ARPC2: variants seen among roughly 807,000 people sequenced by gnomAD.
The protein encoded by ARPC2 is actin-related protein 2/3 complex subunit 2.
ARPC2 carries 4 observed loss-of-function variants against 38.6 expected under a neutral mutation model. The ratio of observed to expected loss-of-function variants is 0.10; its 90% CI spans 0.05 to 0.24. The LOEUF (loss-of-function observed/expected upper bound fraction) is 0.24, where lower values mean the gene tolerates loss of function less well. Ranked by LOEUF, ARPC2 falls within the 10% of genes least tolerant of loss-of-function variation. ARPC2 has a pLI of 1.00. For missense variants in ARPC2, 229 were observed against 387.3 expected (o/e 0.59, Z 3.43); for synonymous variants, 125 against 140.8 (o/e 0.89, Z 0.79).
intron 3 of ARPC2, chr2:218,226,898 A>G (rs1689510414): frequency 2.5e-6 from 1 of 399,374 alleles, no homozygotes; most frequent in Non-Finnish European, 5.3e-6. Context: ...TAGTAGGGAA[A>G]CATGAACAGC....
intron 5 of ARPC2, 80 bp downstream of exon 5, chr2:218,234,477 G>A (rs1303470698): frequency 4.4e-6 from 5 of 1,139,686 alleles, no homozygotes; most frequent in Non-Finnish European, 6.4e-6. Context: ...TTACCCAAAG[G>A]ATTTCGTTTA....
intron 8 of ARPC2, 103 bp downstream of exon 8, chr2:218,245,649 A>G: frequency 6.8e-7 from 1 of 1,464,244 alleles, no homozygotes; most frequent in Non-Finnish European, 9.3e-7. Flanking sequence ...AGGTAGGCAA[A>G]CGCAGGCATA....
chr2:218,229,764 G>A (rs1689587157), intron 4 of ARPC2, among the ~76,000 whole-genome samples: 1 of 152,128 alleles, frequency 6.6e-6, no homozygotes, highest in Non-Finnish European at 1.5e-5. Context: ...TTATTCAAAT[G>A]CAATTGATTT....
intron 2 of ARPC2, among the ~76,000 whole-genome samples, chr2:218,222,705 C>T (rs971141339): frequency 2.0e-5 from 3 of 152,164 alleles, no homozygotes; most frequent in Admixed American, 2.0e-4. Context: ...AGGAGAAGAA[C>T]TAATTTATTG....
chr2:218,227,434 GT>G (rs920394910), intron 3 of ARPC2, among the ~76,000 whole-genome samples: 1 of 151,956 alleles, frequency 6.6e-6, no homozygotes, highest in African/African-American at 2.4e-5. Flanking sequence ...TATTTGTTTT[GT>G]TTTTTTGAGA....
rs1559485717 is a variant in ARPC2, at chr2:218,253,874, T to C, written c.879-17T>C. On this transcript the variant is annotated splice_polypyrimidine_tract_variant and intron_variant, in intron 10 of 10. Coordinates refer to ENST00000315717, the MANE Select transcript of ARPC2 (RefSeq NM_152862.3). ...GCAGCCAGAAACTGACCTTCGCACT[T>C]ATCTCTCCTTTTGAAGGGGGAAGAC... 1 of 1,613,758 alleles carries C rather than the reference T, an allele frequency of 6.2e-7. No individual in the cohort carries two copies. The highest frequency in any genetic ancestry group is 1.7e-5 in the Admixed American group (1 of 59,888).
chr2:218,249,225 C>T (rs936701319), intron 8 of ARPC2, 139 bp from the exon 9 acceptor site: 1 of 614,278 alleles, frequency 1.6e-6, no homozygotes, highest in Middle Eastern at 3.9e-4. Flanking sequence ...AGAAAAAACC[C>T]TGACAAAGCC....
At chr2:218,231,850 T>C (rs957844551) in intron 4 of ARPC2, among the ~76,000 whole-genome samples, 5 of 152,324 alleles carry the variant, frequency 3.3e-5, no homozygotes, top group South Asian at 4.1e-4. Context: ...ATTCCTGTAA[T>C]CCCAGCACTT....
intron 2 of ARPC2, among the ~76,000 whole-genome samples, chr2:218,222,026 G>A (rs1013888976): frequency 1.3e-5 from 2 of 152,166 alleles, no homozygotes; most frequent in African/African-American, 4.8e-5. Context: ...CCAGCACTTT[G>A]GGAGGCCAAG....
In ARPC2 at chr2:218,217,394, C is replaced by T. The variant is rs554844036; in HGVS notation, c.-8-69C>T. On this transcript the variant is annotated intron_variant, in intron 1 of 10. Coordinates refer to ENST00000315717, the MANE Select transcript of ARPC2 (RefSeq NM_152862.3). Reference sequence around the variant, plus strand: ...CAGCCCCACTCAGGGGGCAGCAGGGCCGCTCCCTCCGTCCTTGCCTCCCTT... The same window carrying T: ...CAGCCCCACTCAGGGGGCAGCAGGGTCGCTCCCTCCGTCCTTGCCTCCCTT... 62 of 1,469,204 alleles carry T rather than the reference C, an allele frequency of 4.2e-5. No individual in the cohort carries two copies. In the East Asian group the frequency reaches 1.3e-3, roughly 30 times the overall value. The allele number at this position is 1,469,204 out of a possible 1,614,324, so 91.0% of individuals were successfully genotyped here.
chr2:218,239,344 C>G, intron 6 of ARPC2, 47 bp from the exon 7 acceptor site: 2 of 1,371,878 alleles, frequency 1.5e-6, no homozygotes, highest in Non-Finnish European at 2.1e-6. Context: ...ATTGACAAAA[C>G]CCCATTCTGA....
In ARPC2 at chr2:218,249,396, C is replaced by G; in HGVS notation, c.709C>G (p.Arg237Gly). 1 of 1,613,406 alleles carries G rather than the reference C, an allele frequency of 6.2e-7. No homozygotes were observed. Among genetic ancestry groups the G allele is most frequent in the Non-Finnish European group, 8.5e-7 (1 of 1,179,760 alleles). The stretch of plus-strand genomic sequence containing the variant: ...CCCTCGTCACACCAATGCCAGTGCT[C>G]GAGACAACACCATCAACCTGATCCA... ...LFPRHTNASA[R>G]DNTINLIHTF... Residue 237 changes from arginine to glycine, a missense_variant, in exon 9 of 11, where the codon CGA becomes GGA. Arg to Gly is a moderately radical substitution (Grantham distance 125). Around this residue, in one of 3 missense-constraint regions of ARPC2, gnomAD observed 92 missense variants for 152.3 expected, o/e 0.60. Transcript: ENST00000315717.
chr2:218,249,335 G>A, intron 8 of ARPC2, 29 bp from the exon 9 acceptor site: 1 of 1,541,430 alleles, frequency 6.5e-7, no homozygotes, highest in South Asian at 1.1e-5. Context: ...GTCGTGTCCT[G>A]ACGCCTTGTT....
At chr2:218,252,804 T>C in intron 10 of ARPC2, 1 of 427,566 alleles carries the variant, frequency 2.3e-6, no homozygotes, top group Admixed American at 2.5e-5. Context: ...GCCCAGTGAG[T>C]GCAGTTGTGT....
At chr2:218,248,378 G>A (rs112186994) in intron 8 of ARPC2, among the ~76,000 whole-genome samples, 64 of 152,332 alleles carry the variant, frequency 4.2e-4, no homozygotes, top group African/African-American at 1.3e-3. Flanking sequence ...GAGTAGAGGA[G>A]GTGCAGCAGG....
At chr2:218,230,912 A>G (rs1689619385) in intron 4 of ARPC2, among the ~76,000 whole-genome samples, 1 of 152,162 alleles carries the variant, frequency 6.6e-6, no homozygotes, top group Non-Finnish European at 1.5e-5. Flanking sequence ...GTTAAGCTAG[A>G]TTTCTTAAAT....
chr2:218,232,546 A>AT (rs71064418), intron 4 of ARPC2, among the ~76,000 whole-genome samples: 1,889 of 83,072 alleles, frequency 0.023, 38 homozygotes, highest in African/African-American at 0.046. Flanking sequence ...GCCAGACTCA[A>AT]TTTTTTTTTT....
At chr2:218,249,256 G>C in intron 8 of ARPC2, 108 bp from the exon 9 acceptor site, 1 of 717,532 alleles carries the variant, frequency 1.4e-6, no homozygotes, top group South Asian at 1.7e-5. Context: ...GACACAAGTG[G>C]AGTGTACTTA....
chr2:218,232,913 A>G (rs1306194198), intron 4 of ARPC2: 2 of 152,056 alleles, frequency 1.3e-5, no homozygotes, highest in Middle Eastern at 3.2e-3. Context: ...TGTGAATAAC[A>G]AACCAACTTC....
Sources: gnomAD v4.1 joint callset for allele counts (sites outside exome capture counted in the v4.1 genomes callset) on GRCh38, gnomAD v4.1.1 for gene constraint, gnomAD v4.1.1 regional missense constraint, MANE v1.5 for transcripts, NCBI Gene and HGNC (gene_info 2026-07-23, HGNC 2026-07-21) for gene names.